DMXL1: variants seen among roughly 807,000 people sequenced by gnomAD.
DMXL1 encodes the protein dmX-like protein 1.
Under a neutral mutation model 319.2 loss-of-function variants are expected in DMXL1, and 99 were observed. That is an observed-to-expected ratio of 0.31 (90% CI 0.26 to 0.37). The LOEUF is 0.37. Ranked by LOEUF, DMXL1 falls within the 10% of genes least tolerant of loss-of-function variation. The pLI, the probability that DMXL1 is intolerant of heterozygous loss-of-function variation, is 1.00. For synonymous variants in DMXL1, 1,385 were observed against 1,235.2 expected (o/e 1.12, Z -2.54); for missense variants, 3,745 against 3,595.6 (o/e 1.04, Z -1.06).
chr5:119,196,276 A>G (rs1779606175), intron 30 of DMXL1, 95 bp from the exon 31 acceptor site: 2 of 926,506 alleles, frequency 2.2e-6, no homozygotes, highest in Non-Finnish European at 3.6e-6. Context: ...GTTCAGGTTG[A>G]TTCCTGATAG....
intron 33 of DMXL1, among the ~76,000 whole-genome samples, chr5:119,205,539 T>G (rs1781590940): frequency 1.3e-5 from 2 of 152,124 alleles, no homozygotes; most frequent in Admixed American, 6.5e-5. Context: ...TTTGTTTTTT[T>G]AATGCACAAT....
chr5:119,176,934 A>C (rs1775913040), intron 26 of DMXL1, among the ~76,000 whole-genome samples: 1 of 152,100 alleles, frequency 6.6e-6, no homozygotes, highest in Non-Finnish European at 1.5e-5. Flanking sequence ...GTTTTGTTCC[A>C]CTATTAAATT....
At chr5:119,150,455 C>T (rs1769520092) in intron 18 of DMXL1, 34 bp downstream of exon 18, 1 of 1,545,242 alleles carries the variant, frequency 6.5e-7, no homozygotes, top group Non-Finnish European at 8.7e-7. Context: ...AACATTTTTA[C>T]TTACTTTCAC....
chr5:119,165,097 T>C, intron 20 of DMXL1, 86 bp from the exon 21 acceptor site: 1 of 757,954 alleles, frequency 1.3e-6, no homozygotes, highest in South Asian at 1.7e-5. Context: ...AAACATTCAA[T>C]GGATATGTGC....
At chr5:119,137,454 G>A (rs185152590) in intron 13 of DMXL1, among the ~76,000 whole-genome samples, 54 of 152,260 alleles carry the variant, frequency 3.5e-4, no homozygotes, top group Non-Finnish European at 6.2e-4. Flanking sequence ...AGGCATGATT[G>A]GTTTTGAAAT....
intron 19 of DMXL1, among the ~76,000 whole-genome samples, chr5:119,153,048 C>T (rs1206702383): frequency 6.6e-6 from 1 of 151,834 alleles, no homozygotes; most frequent in East Asian, 1.9e-4. Context: ...GTGATTTCCG[C>T]ACACTGCAAC....
intron 35 of DMXL1, among the ~76,000 whole-genome samples, chr5:119,219,174 G>A (rs1218469025): frequency 1.3e-5 from 2 of 152,180 alleles, no homozygotes; most frequent in Non-Finnish European, 2.9e-5. Flanking sequence ...AAGAGGGCCA[G>A]ATGATACCTA....
At position 119,166,740 on chromosome 5, in the gene DMXL1, G is replaced by A. The variant is rs1773516833; in HGVS notation, c.5095G>A (p.Ala1699Thr). The change falls in exon 22 of 44, where the codon GCA (alanine) becomes ACA (threonine). Residue 1699 changes from alanine to threonine, a missense_variant. By Grantham distance (58) the Ala-to-Thr change is moderately conservative (BLOSUM62 0). Transcript: ENST00000539542. Reference sequence around the variant, plus strand: ...CAAACAAAGATTTGAACATTCTGCAGCATTTTTTCTTTTAGCTGGTTGCCT... The same window carrying A: ...CAAACAAAGATTTGAACATTCTGCAACATTTTTTCTTTTAGCTGGTTGCCT... ...LGKQRFEHSA[A>T]FFLLAGCLRD... is the part of the protein sequence containing the mutation. The A allele has an allele frequency of 1.2e-6, 2 of 1,612,502 alleles. No homozygotes were observed. Among genetic ancestry groups the A allele is most frequent in the Non-Finnish European group, 1.7e-6 (2 of 1,179,410 alleles).
At position 119,247,399 on chromosome 5, in the gene DMXL1, A is replaced by T. The variant is rs1291957331; in HGVS notation, c.*180A>T. 1.9e-6 allele frequency: 1 copy of T among 523,842 alleles called. No individual in the cohort carries two copies. The highest frequency in any genetic ancestry group is 3.4e-6 in the Non-Finnish European group (1 of 293,404). The allele number at this position is 523,842 out of a possible 1,614,324, so 32.4% of individuals were successfully genotyped here. ...AAAATTAACAAGGTCATTCAGAAGTAGATTACATTGCCTAAAGTAGAATGT... is the reference window on the plus strand; with the variant it reads ...AAAATTAACAAGGTCATTCAGAAGTTGATTACATTGCCTAAAGTAGAATGT... On this transcript the variant is annotated 3_prime_UTR_variant, in exon 44 of 44. Transcript: ENST00000539542.
intron 34 of DMXL1, among the ~76,000 whole-genome samples, chr5:119,207,261 C>T (rs544958201): frequency 6.6e-6 from 1 of 151,414 alleles, no homozygotes; most frequent in South Asian, 2.1e-4. Context: ...ATTAATGATA[C>T]TAAAATTAGG....
At chr5:119,227,705 C>G (rs1234432177) in intron 38 of DMXL1, among the ~76,000 whole-genome samples, 2 of 152,040 alleles carry the variant, frequency 1.3e-5, no homozygotes, top group Non-Finnish European at 2.9e-5. Context: ...TGCATAGTCT[C>G]CAATATGATA....
rs777067930 is a variant in DMXL1, at chr5:119,150,372, A to G, written c.4545A>G (p.Thr1515=). Reference sequence around the variant, plus strand: ...TGTCTTTGATGGCCTTAGCAGATACAATTGCAACTACAAGCACTGATATTG... The same window carrying G: ...TGTCTTTGATGGCCTTAGCAGATACGATTGCAACTACAAGCACTGATATTG... The part of the protein sequence containing the change: ...EQMSLMALAD[T]IATTSTDIGE... The change falls in exon 18 of 44, where the codon ACA becomes ACG. Residue 1515 remains threonine, a synonymous_variant. Transcript: ENST00000539542. 6.2e-6 allele frequency: 10 copies of G among 1,613,604 alleles called. No individual in the cohort carries two copies.
At chr5:119,223,422 G>A (rs1784987298) in intron 37 of DMXL1, among the ~76,000 whole-genome samples, 1 of 152,098 alleles carries the variant, frequency 6.6e-6, no homozygotes. Flanking sequence ...TGCCTGCCTT[G>A]CAGATTGATG....
chr5:119,203,373 GC>G lies in DMXL1; in HGVS notation c.7801del (p.Gln2601ArgfsTer19). 1 of 1,607,968 alleles carries G rather than the reference GC, an allele frequency of 6.2e-7. No homozygotes were observed. The highest frequency in any genetic ancestry group is 8.5e-7 in the Non-Finnish European group (1 of 1,177,380). ...VKRLWQYLVK[Q>X]EEIQETFIKN... ...AGAGGCTTTGGCAGTATTTGGTGAA[GC>G]AGGAAGAAATTCAGGAAACCTTTAT... On this transcript the variant is annotated frameshift_variant, in exon 33 of 44. Transcript: ENST00000539542. LOFTEE classifies it high-confidence loss of function.
intron 34 of DMXL1, among the ~76,000 whole-genome samples, chr5:119,214,193 T>C (rs1275129298): frequency 6.6e-6 from 1 of 152,156 alleles, no homozygotes; most frequent in Non-Finnish European, 1.5e-5. Context: ...TCTCAGTAAA[T>C]GGTACCTTTA....
Position 119,167,781 on chromosome 5 carries a change from T to G in DMXL1, c.5315T>G (p.Leu1772Arg). The part of the protein sequence containing the change: ...LNINMHHDPF[L>R]RSMAYWILED... ...ATAAATATGCATCATGATCCTTTTC[T>G]TCGGAGCATGGCATATTGGATTTTG... is the stretch of plus-strand genomic sequence containing the variant. The change falls in exon 23 of 44, where the codon CTT becomes CGT. Residue 1772 changes from leucine to arginine, a missense_variant. Physicochemically the swap from Leu to Arg is moderately radical, Grantham distance 102. This residue lies in a region of DMXL1 where 1,382 missense variants were observed against 1,269.5 expected (regional missense o/e 1.09). Transcript: ENST00000539542. 1 of 1,613,644 alleles carries G rather than the reference T, an allele frequency of 6.2e-7. No individual in the cohort carries two copies. The highest frequency in any genetic ancestry group is 8.5e-7 in the Non-Finnish European group (1 of 1,179,726).
rs1176575225 is a variant in DMXL1, at chr5:119,133,125, C to A, written c.1316-7C>A. 5 of 1,613,218 alleles carry A rather than the reference C, an allele frequency of 3.1e-6. No homozygotes were observed. The highest frequency in any genetic ancestry group is 3.3e-5 in the Admixed American group (2 of 59,938). Reference sequence around the variant, plus strand: ...TTTACTTGGTTCATGAACTCTTTTGCTTATAGAAACTGATGATGGTGTTGA... The same window carrying A: ...TTTACTTGGTTCATGAACTCTTTTGATTATAGAAACTGATGATGGTGTTGA... On this transcript the variant is annotated splice_polypyrimidine_tract_variant and splice_region_variant and intron_variant, in intron 10 of 43. Transcript: ENST00000539542.
intron 2 of DMXL1, among the ~76,000 whole-genome samples, chr5:119,101,008 C>G (rs2149796204): frequency 6.6e-6 from 1 of 152,064 alleles, no homozygotes; most frequent in East Asian, 1.9e-4. Context: ...GACTCGATCT[C>G]CTGACCTCAT....
chr5:119,099,562 T>C (rs1580693164), intron 2 of DMXL1, among the ~76,000 whole-genome samples: 1 of 152,352 alleles, frequency 6.6e-6, no homozygotes, highest in East Asian at 1.9e-4. Context: ...CTAGCTCTTT[T>C]GTTCTGTAAT....
Sources: gnomAD v4.1 joint callset for allele counts (sites outside exome capture counted in the v4.1 genomes callset) on GRCh38, gnomAD v4.1.1 for gene constraint, gnomAD v4.1.1 regional missense constraint, MANE v1.5 for transcripts, NCBI Gene and HGNC (gene_info 2026-07-23, HGNC 2026-07-21) for gene names.